SLC2A13: variants seen among roughly 807,000 people sequenced by gnomAD.
SLC2A13 encodes the protein solute carrier family 2 member 13, also known as proton myo-inositol cotransporter.
SLC2A13 carries 32 observed loss-of-function variants against 64.4 expected under a neutral mutation model. The observed-to-expected ratio is 0.50, with a 90% confidence interval of 0.37 to 0.67. The LOEUF (loss-of-function observed/expected upper bound fraction) is 0.67, where lower values mean the gene tolerates loss of function less well. Ranked by LOEUF, SLC2A13 falls within the 30% of genes least tolerant of loss-of-function variation. SLC2A13 has a pLI of 0.00. For missense variants in SLC2A13, 743 were observed against 829.2 expected (o/e 0.90, Z 1.28); for synonymous variants, 338 against 327.1 (o/e 1.03, Z -0.36).
At chr12:39,968,772 A>G (rs1230055731) in intron 3 of SLC2A13, among the ~76,000 whole-genome samples, 1 of 6,396 alleles carries the variant, frequency 1.6e-4, no homozygotes, top group African/African-American at 4.5e-4. Flanking sequence ...ATATATATAT[A>G]TATATATATA....
chr12:40,006,574 GAGTC>G (rs1215026812), intron 3 of SLC2A13, among the ~76,000 whole-genome samples: 3 of 152,158 alleles, frequency 2.0e-5, no homozygotes, highest in Admixed American at 6.5e-5. Flanking sequence ...TAAATTCTAA[GAGTC>G]AGGTAAAATT....
intron 7 of SLC2A13, among the ~76,000 whole-genome samples, chr12:39,818,515 T>A (rs1942402055): frequency 6.6e-6 from 1 of 152,298 alleles, no homozygotes; most frequent in Admixed American, 6.5e-5. Flanking sequence ...TCTAACTTTA[T>A]AAGTAGCTAA....
chr12:39,896,502 G>GTATATGTGTATATATGTACACATA (rs1402222295), intron 4 of SLC2A13, among the ~76,000 whole-genome samples: 1 of 144,716 alleles, frequency 6.9e-6, no homozygotes, highest in East Asian at 2.3e-4. Context: ...ACACATATAT[G>GTATATGTGTATATATGTACACATA]TATGTACATG....
chr12:39,985,497 C>T (rs1947015241), intron 3 of SLC2A13, among the ~76,000 whole-genome samples: 1 of 151,914 alleles, frequency 6.6e-6, no homozygotes, highest in African/African-American at 2.4e-5. Flanking sequence ...CTTGAAGTAT[C>T]AAAAGAGAAA....
Position 40,105,782 on chromosome 12 carries a change from C to T in SLC2A13, c.27G>A (p.Val9=). 1 of 1,487,140 alleles carries T rather than the reference C, an allele frequency of 6.7e-7. No individual in the cohort carries two copies. Among genetic ancestry groups the T allele is most frequent in the Non-Finnish European group, 8.9e-7 (1 of 1,118,908 alleles). The allele number at this position is 1,487,140 out of a possible 1,614,324, so 92.1% of individuals were successfully genotyped here. A position where few individuals can be genotyped will look rare whatever the true frequency, so the allele number is the denominator to read the frequency against. The change falls in exon 1 of 10, where the codon GTG becomes GTA. Residue 9 remains valine, a synonymous_variant. Transcript: ENST00000280871. The surrounding 1 kb of genome is among the most constrained non-coding windows in gnomAD (Gnocchi z 4.2). ...TGCTCAGGCTCCGCAGCGTGTACTC[C>T]ACATTCTCGCTTGCCTTGCGGGACA... MSRKASEN[V]EYTLRSLSSL... is the part of the protein sequence containing the mutation.
intron 1 of SLC2A13, among the ~76,000 whole-genome samples, chr12:40,096,161 C>T (rs1938935795): frequency 6.6e-6 from 1 of 151,496 alleles, no homozygotes; most frequent in African/African-American, 2.4e-5. Context: ...GATCTCCTGA[C>T]CTCATAATCC....
At chr12:39,955,892 C>G (rs1486462867) in intron 3 of SLC2A13, among the ~76,000 whole-genome samples, 1 of 152,080 alleles carries the variant, frequency 6.6e-6, no homozygotes, top group Non-Finnish European at 1.5e-5. Context: ...GGGTGTGGGA[C>G]AGGAGTGGAC....
chr12:39,836,232 C>T (rs1443988665), intron 6 of SLC2A13, among the ~76,000 whole-genome samples: 2 of 152,040 alleles, frequency 1.3e-5, no homozygotes, highest in African/African-American at 2.4e-5. Context: ...TAGACAATAG[C>T]CAATGATGCT....
intron 7 of SLC2A13, among the ~76,000 whole-genome samples, chr12:39,784,648 T>C (rs1941119552): frequency 6.6e-6 from 1 of 152,122 alleles, no homozygotes; most frequent in Non-Finnish European, 1.5e-5. Context: ...GCAATACCAT[T>C]GAGGACATAG....
intron 4 of SLC2A13, among the ~76,000 whole-genome samples, chr12:39,935,770 G>A (rs534883482): frequency 6.6e-6 from 1 of 152,170 alleles, no homozygotes; most frequent in African/African-American, 2.4e-5. Context: ...CAGCTAGGGA[G>A]AATGGCACAC....
chr12:39,921,537 G>C (rs964974221), intron 4 of SLC2A13, among the ~76,000 whole-genome samples: 1 of 152,082 alleles, frequency 6.6e-6, no homozygotes, highest in African/African-American at 2.4e-5. Context: ...AGATATCACT[G>C]TTTAGACAGT....
chr12:39,846,394 T>G (rs1197749992), intron 6 of SLC2A13, among the ~76,000 whole-genome samples: 1 of 152,180 alleles, frequency 6.6e-6, no homozygotes, highest in Non-Finnish European at 1.5e-5. Flanking sequence ...AAGATCTTTC[T>G]CAGTTAAAGC....
intron 3 of SLC2A13, among the ~76,000 whole-genome samples, chr12:39,981,554 G>A (rs1250488726): frequency 2.0e-5 from 3 of 148,536 alleles, no homozygotes; most frequent in East Asian, 2.0e-4. Flanking sequence ...ACACCTCTAC[G>A]CAAATAAACT....
At chr12:39,808,692 T>C (rs1335205318) in intron 7 of SLC2A13, among the ~76,000 whole-genome samples, 2 of 152,200 alleles carry the variant, frequency 1.3e-5, no homozygotes, top group African/African-American at 2.4e-5. Flanking sequence ...TGTTGAACAT[T>C]ATATCTATGT....
intron 4 of SLC2A13, among the ~76,000 whole-genome samples, chr12:39,932,994 A>T (rs986423106): frequency 1.3e-5 from 2 of 152,102 alleles, no homozygotes; most frequent in African/African-American, 4.8e-5. Context: ...TGGGAGGCTG[A>T]GGTGGGTGGA....
chr12:39,840,266 T>C (rs1448321011), intron 6 of SLC2A13, among the ~76,000 whole-genome samples: 1 of 151,966 alleles, frequency 6.6e-6, no homozygotes, highest in African/African-American at 2.4e-5. Flanking sequence ...CCTTGTACTC[T>C]CCATTCTTAT....
At chr12:39,776,383 C>A (rs1460298623) in intron 7 of SLC2A13, among the ~76,000 whole-genome samples, 1 of 152,204 alleles carries the variant, frequency 6.6e-6, no homozygotes, top group East Asian at 1.9e-4. Flanking sequence ...GCCTGCCTGG[C>A]CATAACTATG....
rs1940081420 is a variant in SLC2A13 at position 39,760,177 on chromosome 12, C to T, written c.1796G>A (p.Gly599Asp). The change falls in exon 10 of 10, where the codon GGC becomes GAC. Residue 599 changes from glycine (G) to aspartate (D), a missense_variant. Transcript: ENST00000280871. ...TGATTCAATTTCCTCTAATTTTTTG[C>T]CTTTGGTCTCAGGAAGACAGCCATA... ...FIYGCLPETK[G>D]KKLEEIESLF... 6.2e-7 allele frequency: 1 copy of T among 1,612,802 alleles called. No individual in the cohort carries two copies. The highest frequency in any genetic ancestry group is 8.5e-7 in the Non-Finnish European group (1 of 1,179,324).
At chr12:40,023,129 G>C (rs1251798465) in intron 3 of SLC2A13, among the ~76,000 whole-genome samples, 1 of 152,158 alleles carries the variant, frequency 6.6e-6, no homozygotes, top group Non-Finnish European at 1.5e-5. Context: ...AGCTTCCCTA[G>C]CTTTTTGCAG....
Sources: allele counts gnomAD v4.1 joint callset (sites outside exome capture counted in the v4.1 genomes callset), GRCh38; gene constraint gnomAD v4.1.1; non-coding constraint Gnocchi (gnomAD v3.1); transcripts MANE v1.5; gene names NCBI Gene and HGNC (gene_info 2026-07-23, HGNC 2026-07-21).